FARP1: variants seen among roughly 807,000 people sequenced by gnomAD.
FARP1 encodes FERM, ARH/RhoGEF and pleckstrin domain protein 1, also known as FERM, ARHGEF and pleckstrin domain-containing protein 1.
In FARP1, 52 loss-of-function variants were observed where a neutral mutation model predicts 128.8. That is an observed-to-expected ratio of 0.40 (90% CI 0.32 to 0.51). The LOEUF (loss-of-function observed/expected upper bound fraction) is 0.51, where lower values mean the gene tolerates loss of function less well. FARP1 is among the 20% of genes least tolerant of loss of function. The pLI is 0.45. For missense variants in FARP1, 1,333 were observed against 1,367.9 expected, an observed-to-expected ratio of 0.97 and a Z score of 0.40; for synonymous variants, 580 against 551.8, an observed-to-expected ratio of 1.05 and a Z score of -0.72.
In FARP1 at chr13:98,440,211, C is replaced by T. The variant is rs1892467282; in HGVS notation, c.2605C>T (p.Leu869=). 1 of 1,613,914 alleles carries T rather than the reference C, an allele frequency of 6.2e-7. No homozygotes were observed. Among genetic ancestry groups the T allele is most frequent in the Non-Finnish European group, 8.5e-7 (1 of 1,179,852 alleles). ...GAGCAGCAGCCCCGCCCCTGAGTTC[C>T]TGGCCAGCAGCCCCCCTGACAACAG... ...EKSSSPAPEF[L]ASSPPDNKSP... Residue 869 remains leucine (L), a synonymous_variant, in exon 23 of 27, where the codon CTG becomes TTG. Coordinates refer to ENST00000319562, the MANE Select transcript of FARP1 (RefSeq NM_005766.4).
At position 98,448,661 on chromosome 13, in the gene FARP1, T is replaced by A. The variant is rs908250006; in HGVS notation, c.*344T>A. On this transcript the variant is annotated 3_prime_UTR_variant, in exon 27 of 27. Coordinates refer to ENST00000319562, the MANE Select transcript of FARP1 (RefSeq NM_005766.4). ...GTTCAACACAAGACAGGGCAAGTGT[T>A]TTTCTTCCTAAAAAAAGTTCTTTCT... is the stretch of plus-strand genomic sequence containing the variant. 4 of 201,308 alleles carry A rather than the reference T, an allele frequency of 2.0e-5. No individual in the cohort carries two copies. 12.5% of individuals were successfully genotyped at this position (201,308 alleles called of 1,614,324 possible).
At chr13:98,433,823 C>T (rs1314102701) in intron 18 of FARP1, 1 of 152,480 alleles carries the variant, frequency 6.6e-6, no homozygotes, top group Non-Finnish European at 1.5e-5. Flanking sequence ...CTCTCTCGTC[C>T]TTTAAGCCTC....
intron 2 of FARP1, among the ~76,000 whole-genome samples, chr13:98,300,171 C>G (rs116387779): frequency 0.018 from 2,806 of 152,300 alleles, 77 homozygotes; most frequent in African/African-American, 0.056. Flanking sequence ...TTTATTGAGG[C>G]AAAGAGAAAG....
At chr13:98,259,612 A>T (rs747478151) in intron 2 of FARP1, among the ~76,000 whole-genome samples, 4 of 152,208 alleles carry the variant, frequency 2.6e-5, no homozygotes, top group Non-Finnish European at 4.4e-5. Flanking sequence ...TGATTATAAA[A>T]ATGGCAGTGT....
chr13:98,193,178 C>T (rs1879352381), intron 1 of FARP1, among the ~76,000 whole-genome samples: 2 of 152,062 alleles, frequency 1.3e-5, no homozygotes, highest in South Asian at 2.1e-4. Context: ...CTGCCTCAGC[C>T]TCCCAAGTAG....
chr13:98,392,513 G>A (rs1360597159), intron 11 of FARP1, among the ~76,000 whole-genome samples: 2 of 148,692 alleles, frequency 1.3e-5, no homozygotes, highest in Non-Finnish European at 3.0e-5. Context: ...AAAAAAAAAA[G>A]AGAAAAAAGA....
chr13:98,239,531 G>C (rs1882641029), intron 2 of FARP1, among the ~76,000 whole-genome samples: 1 of 152,176 alleles, frequency 6.6e-6, no homozygotes, highest in African/African-American at 2.4e-5. Flanking sequence ...AGGGGTGGAG[G>C]GGGAGGAGAC....
chr13:98,215,455 G>T (rs1228024029), intron 2 of FARP1, among the ~76,000 whole-genome samples: 1 of 152,160 alleles, frequency 6.6e-6, no homozygotes, highest in Non-Finnish European at 1.5e-5. Flanking sequence ...ACTGAGAGTT[G>T]TGCAGCGTGA....
chr13:98,431,999 C>CG (rs980275475), intron 18 of FARP1: 4 of 152,174 alleles, frequency 2.6e-5, no homozygotes, highest in Admixed American at 6.5e-5. Context: ...TCATTGCTAC[C>CG]GGTCATTTGT....
At chr13:98,213,545 C>T (rs552378718) in intron 2 of FARP1, 132 bp downstream of exon 2, 70 of 914,530 alleles carry the variant, frequency 7.7e-5, no homozygotes, top group African/African-American at 7.3e-4. Flanking sequence ...CCTCCCTCCC[C>T]GCCCCCCAAT....
chr13:98,379,418 G>C (rs1312385144), intron 6 of FARP1, among the ~76,000 whole-genome samples: 1 of 151,174 alleles, frequency 6.6e-6, no homozygotes, highest in Non-Finnish European at 1.5e-5. Flanking sequence ...GGAGAGGAGG[G>C]AGAGGAGGCT....
chr13:98,351,913 A>G (rs1291497663), intron 3 of FARP1, among the ~76,000 whole-genome samples: 4 of 152,158 alleles, frequency 2.6e-5, no homozygotes, highest in Non-Finnish European at 5.9e-5. Flanking sequence ...CCCACCCCCA[A>G]CACTGGGAAT....
rs76756874 is a variant in FARP1 at position 98,230,094 on chromosome 13, G to A, written c.171+16681G>A. Among the ~76,000 whole-genome samples the A allele has an allele frequency of 4.1e-4, 63 of 152,292 alleles. 2 individuals carry two copies. In the East Asian group the frequency reaches 0.012, roughly 29 times the overall value. ...GACATTGCCTCTTACTTGCTTTAGAGAAGTGGGCACTCCCCTCCCCTCACC... is the reference window on the plus strand; with the variant it reads ...GACATTGCCTCTTACTTGCTTTAGAAAAGTGGGCACTCCCCTCCCCTCACC... On this transcript the variant is annotated intron_variant, in intron 2 of 26. Transcript: ENST00000319562.
Position 98,395,602 on chromosome 13 carries a change from C to T in FARP1, c.1414+126C>T, listed in dbSNP as rs1286588865. Reference sequence around the variant, plus strand: ...CCGATCCCGGTCCCGATCCCGGTCCCGGTCCCAAACAAATGACAATTATGA... The same window carrying T: ...CCGATCCCGGTCCCGATCCCGGTCCTGGTCCCAAACAAATGACAATTATGA... On this transcript the variant is annotated intron_variant, in intron 13 of 26. Transcript: ENST00000319562. 14 of 1,164,228 alleles carry T rather than the reference C, an allele frequency of 1.2e-5. No homozygotes were observed. The East Asian group carries it at 2.7e-4, about 22-fold the overall frequency. 72.1% of individuals were successfully genotyped at this position (1,164,228 alleles called of 1,614,324 possible).
In FARP1 at chr13:98,384,781, A is replaced by G. The variant is rs770561440; in HGVS notation, c.548A>G (p.Asn183Ser). 2.6e-5 allele frequency: 42 copies of G among 1,613,906 alleles called. No individual in the cohort carries two copies. Among genetic ancestry groups the G allele is most frequent in the Non-Finnish European group, 3.3e-5 (39 of 1,179,906 alleles). ...EALDREHLAKNKYIPQQDALE... is the reference protein window; with the variant it reads ...EALDREHLAKSKYIPQQDALE... ...TTGGACAGAGAGCACTTAGCAAAAA[A>G]TAAATACATACCTCAGCAAGACGCA... The change falls in exon 7 of 27, where the codon AAT (asparagine) becomes AGT (serine). Residue 183 changes from asparagine (N) to serine (S), a missense_variant. Transcript: ENST00000319562.
At chr13:98,435,330 C>T (rs1892211636) in intron 18 of FARP1, 1 of 350,924 alleles carries the variant, frequency 2.8e-6, no homozygotes, top group East Asian at 5.6e-5. Context: ...AATTGAAGGA[C>T]AGCTGTATGC....
At chr13:98,348,082 A>G (rs747318926) in intron 3 of FARP1, among the ~76,000 whole-genome samples, 3 of 152,268 alleles carry the variant, frequency 2.0e-5, no homozygotes, top group Admixed American at 2.0e-4. Flanking sequence ...AGGGTTTTTC[A>G]TAGTCTAAGA....
chr13:98,367,871 A>G (rs1293368164), intron 4 of FARP1, among the ~76,000 whole-genome samples: 1 of 152,222 alleles, frequency 6.6e-6, no homozygotes, highest in East Asian at 1.9e-4. Context: ...CAGAGAAAAA[A>G]TTTAATAGCT....
At chr13:98,414,225 A>G (rs71437963) in intron 16 of FARP1, among the ~76,000 whole-genome samples, 8,111 of 152,276 alleles carry the variant, frequency 0.053, 299 homozygotes, top group Non-Finnish European at 0.084. Context: ...AAGATCCATA[A>G]TGTAACCCAT....
Sources: allele counts gnomAD v4.1 joint callset (sites outside exome capture counted in the v4.1 genomes callset), GRCh38; gene constraint gnomAD v4.1.1; transcripts MANE v1.5; gene names NCBI Gene and HGNC (gene_info 2026-07-23, HGNC 2026-07-21).